COL22A1: variants seen among roughly 807,000 people sequenced by gnomAD.
The protein encoded by COL22A1 is collagen alpha-1(XXII) chain.
COL22A1 carries 221 observed loss-of-function variants against 248.9 expected under a neutral mutation model. The observed-to-expected ratio is 0.89, with a 90% CI of 0.80 to 0.99. The LOEUF is 0.99. COL22A1 is among the 50% of genes least tolerant of loss of function. The pLI is 0.00. For synonymous variants in COL22A1, 891 were observed against 793.4 expected, an observed-to-expected ratio of 1.12 and a Z score of -2.07; for missense variants, 2,240 against 2,179.0, an observed-to-expected ratio of 1.03 and a Z score of -0.56.
At chr8:138,891,323 C>T (rs2132111909) in intron 1 of COL22A1, among the ~76,000 whole-genome samples, 1 of 152,170 alleles carries the variant, frequency 6.6e-6, no homozygotes, top group East Asian at 1.9e-4. Flanking sequence ...TACTAATCAC[C>T]CCCTTTACCA....
rs933359019 is a variant in COL22A1, at chr8:138,630,584, A to T, written c.3663+111T>A. 4.2e-5 allele frequency: 38 copies of T among 904,300 alleles called. No individual in the cohort carries two copies. The African/African-American group carries it at 5.8e-4, about 14-fold the overall frequency. 56.0% of individuals were successfully genotyped at this position (904,300 alleles called of 1,614,324 possible). A position where few individuals can be genotyped will look rare whatever the true frequency, so the allele number is the denominator to read the frequency against. On this transcript the variant is annotated intron_variant, in intron 50 of 64. Coordinates refer to ENST00000303045, the MANE Select transcript of COL22A1 (RefSeq NM_152888.3). ...ACTTGTAGTGAACAGAACCTCAAAA[A>T]TATGTGAGCCACAGGAGGCACACAG... is the stretch of plus-strand genomic sequence containing the variant.
At chr8:138,627,560 G>A (rs1339212605) in intron 50 of COL22A1, among the ~76,000 whole-genome samples, 1 of 152,154 alleles carries the variant, frequency 6.6e-6, no homozygotes, top group Non-Finnish European at 1.5e-5. Flanking sequence ...CAGTCTTCTT[G>A]CCATCACTAG....
At chr8:138,811,451 G>C (rs774127628) in intron 9 of COL22A1, among the ~76,000 whole-genome samples, 4 of 152,046 alleles carry the variant, frequency 2.6e-5, no homozygotes, top group Non-Finnish European at 5.9e-5. Context: ...GTGTGTTCTT[G>C]CAAAGCACAT....
At chr8:138,606,177 G>T (rs927957637) in intron 58 of COL22A1, among the ~76,000 whole-genome samples, 1 of 152,206 alleles carries the variant, frequency 6.6e-6, no homozygotes, top group Admixed American at 6.5e-5. Context: ...TGATTAAGGA[G>T]TGATGGCACT....
At chr8:138,846,639 C>T (rs6577955) in intron 3 of COL22A1, among the ~76,000 whole-genome samples, 141,599 of 152,236 alleles carry the variant, frequency 0.93, 65,962 homozygotes, top group East Asian at 1. Context: ...TCCTCAGGGT[C>T]CACCTGCTTG....
intron 56 of COL22A1, among the ~76,000 whole-genome samples, chr8:138,609,234 C>T (rs995342650): frequency 6.6e-6 from 1 of 152,212 alleles, no homozygotes; most frequent in African/African-American, 2.4e-5. Context: ...GAAACTGAGG[C>T]TCAGAAATGC....
In COL22A1 at chr8:138,606,374, T is replaced by C; in HGVS notation, c.4104+7A>G. 1 of 1,611,066 alleles carries C rather than the reference T, an allele frequency of 6.2e-7. No individual in the cohort carries two copies. The highest frequency in any genetic ancestry group is 8.5e-7 in the Non-Finnish European group (1 of 1,178,870). On this transcript the variant is annotated splice_region_variant and intron_variant, in intron 58 of 64. Transcript: ENST00000303045. Reference sequence around the variant, plus strand: ...TATCTTGGGCCCCACTGGGGTTCTCTGCTTACCGGAGGCCCACGGGGACCC... The same window carrying C: ...TATCTTGGGCCCCACTGGGGTTCTCCGCTTACCGGAGGCCCACGGGGACCC...
chr8:138,884,889 G>T (rs1232258251), intron 1 of COL22A1, among the ~76,000 whole-genome samples: 6 of 149,654 alleles, frequency 4.0e-5, no homozygotes, highest in African/African-American at 1.5e-4. Context: ...AATCAGAAGA[G>T]AAGCTCCAAA....
chr8:138,777,236 A>C (rs775702518), intron 15 of COL22A1, among the ~76,000 whole-genome samples: 6 of 152,212 alleles, frequency 3.9e-5, no homozygotes, highest in Non-Finnish European at 5.9e-5. Flanking sequence ...AATGATACAC[A>C]CATCTTTGAC....
intron 9 of COL22A1, among the ~76,000 whole-genome samples, chr8:138,809,528 C>CTTTTTCTTTTTTTTTTTTTTT (rs1554633655): frequency 1.7e-5 from 2 of 117,672 alleles, no homozygotes; most frequent in African/African-American, 3.3e-5. Context: ...TTTTCTTTTT[C>CTTTTTCTTTTTTTTTTTTTTT]TTTTTTTTTT....
rs375959136 is a variant in COL22A1, at chr8:138,904,509, A to G, written c.-73+9110T>C. Reference sequence around the variant, plus strand: ...TCACCCATCAGTACAAGCAAACCTTAACCACTCTTTATTGTTTTATTCATT... The same window carrying G: ...TCACCCATCAGTACAAGCAAACCTTGACCACTCTTTATTGTTTTATTCATT... On this transcript the variant is annotated intron_variant, in intron 1 of 64. Coordinates refer to ENST00000303045, the MANE Select transcript of COL22A1 (RefSeq NM_152888.3). 3.0e-4 allele frequency among the ~76,000 whole-genome samples: 46 copies of G among 152,280 alleles called. 2 individuals are homozygous for G. The South Asian group carries it at 8.7e-3, about 29-fold the overall frequency.
At chr8:138,589,546 GTCC>G in intron 64 of COL22A1, 106 bp from the exon 65 acceptor site, 1 of 890,536 alleles carries the variant, frequency 1.1e-6, no homozygotes, top group Non-Finnish European at 1.6e-6. Flanking sequence ...GACCTGAAAC[GTCC>G]TCAGACAGAG....
At chr8:138,610,800 A>G (rs1177100174) in intron 56 of COL22A1, among the ~76,000 whole-genome samples, 13 of 152,244 alleles carry the variant, frequency 8.5e-5, no homozygotes, top group Admixed American at 6.5e-4. Flanking sequence ...ATGGTGGCTT[A>G]CACCTATAAT....
chr8:138,761,587 ATATTT>A (rs1414358144), intron 17 of COL22A1, among the ~76,000 whole-genome samples: 1 of 140,438 alleles, frequency 7.1e-6, no homozygotes, highest in Non-Finnish European at 1.6e-5. Flanking sequence ...ATTAACATAT[ATATTT>A]TATCTATGGT....
chr8:138,750,080 A>G (rs1832463310), intron 22 of COL22A1, among the ~76,000 whole-genome samples: 2 of 152,154 alleles, frequency 1.3e-5, no homozygotes, highest in Non-Finnish European at 2.9e-5. Context: ...GTTTCCCTAC[A>G]CAAGCTCCCT....
intron 12 of COL22A1, among the ~76,000 whole-genome samples, chr8:138,790,545 G>A (rs578217977): frequency 2.0e-5 from 3 of 152,244 alleles, no homozygotes; most frequent in South Asian, 2.1e-4. Context: ...TCCTCCTCCC[G>A]CTCTGCAGTC....
intron 64 of COL22A1, among the ~76,000 whole-genome samples, chr8:138,590,587 T>C (rs1287964059): frequency 1.3e-5 from 2 of 152,104 alleles, no homozygotes; most frequent in African/African-American, 4.8e-5. Context: ...TAATAATAAA[T>C]ATCCACTTTA....
chr8:138,835,217 A>T (rs1468298107), intron 4 of COL22A1, among the ~76,000 whole-genome samples: 2 of 152,268 alleles, frequency 1.3e-5, no homozygotes, highest in Admixed American at 6.5e-5. Flanking sequence ...AATGACTAAG[A>T]GCTGCCATTA....
chr8:138,684,741 T>C (rs11787079), intron 38 of COL22A1, among the ~76,000 whole-genome samples: 82,153 of 152,012 alleles, frequency 0.54, 22,587 homozygotes, highest in East Asian at 0.78. Flanking sequence ...CCTTATTGTA[T>C]AGACTTGCGC....
Sources: allele counts gnomAD v4.1 joint callset (sites outside exome capture counted in the v4.1 genomes callset), GRCh38; gene constraint gnomAD v4.1.1; transcripts MANE v1.5; gene names NCBI Gene and HGNC (gene_info 2026-07-23, HGNC 2026-07-21).